CIZ1: variants seen among roughly 807,000 people sequenced by gnomAD.
CIZ1 encodes the protein CDKN1A interacting zinc finger protein 1.
CIZ1 carries 58 observed loss-of-function variants against 118.6 expected under a neutral mutation model. The ratio of observed to expected loss-of-function variants is 0.49; its 90% CI spans 0.40 to 0.61. CIZ1 has a LOEUF of 0.61. Ranked by LOEUF, CIZ1 falls within the 20% of genes least tolerant of loss-of-function variation. The pLI, the probability that CIZ1 is intolerant of heterozygous loss-of-function variation, is 0.00. For synonymous variants in CIZ1, 448 were observed against 443.4 expected (o/e 1.01, Z -0.13); for missense variants, 921 against 1,115.9 (o/e 0.83, Z 2.49).
upstream of CIZ1, chr9:128,191,690 C>T (rs1391226890): frequency 1.6e-6 from 2 of 1,287,028 alleles, no homozygotes; most frequent in East Asian, 3.2e-5. The surrounding 1 kb of genome is among the most constrained non-coding windows in gnomAD (Gnocchi z 5.5). Context: ...GGGGCGGCTG[C>T]GGGGCGCTAG....
chr9:128,172,200 T>C (rs1181500745), intron 11 of CIZ1, among the ~76,000 whole-genome samples: 1 of 127,296 alleles, frequency 7.9e-6, no homozygotes, highest in Non-Finnish European at 1.7e-5. Context: ...GCCAAATACA[T>C]GTAAAACCCT....
At chr9:128,177,538 T>TATAAA in intron 10 of CIZ1, 28 bp downstream of exon 10, 2 of 395,084 alleles carry the variant, frequency 5.1e-6, no homozygotes, top group Non-Finnish European at 9.4e-6. Context: ...GCCCCACCCC[T>TATAAA]CCCCACCCTT....
chr9:128,167,440 C>T, intron 14 of CIZ1: 3 of 446,478 alleles, frequency 6.7e-6, no homozygotes, highest in Non-Finnish European at 1.2e-5. Flanking sequence ...CAGGTGTGCC[C>T]AAGACATCAT....
chr9:128,191,577 A>T, upstream of CIZ1: 1 of 1,127,334 alleles, frequency 8.9e-7, no homozygotes. This position sits in a 1 kb window ranked among gnomAD's most constrained non-coding sequence, Gnocchi z 5.5. Flanking sequence ...CGTAAGGCCC[A>T]AATGCGGGCG....
Position 128,191,345 on chromosome 9 carries a change from C to T in CIZ1, c.-6+87G>A, listed in dbSNP as rs1266914215. On this transcript the variant is annotated intron_variant, in intron 1 of 16. Transcript: ENST00000372938. The surrounding 1 kb of genome is among the most constrained non-coding windows in gnomAD (Gnocchi z 5.5). ...GCCACCTCCTCGCGCCCCACTCCGCCCGCTCCCACCCCGCCAGCCGCCTCC... is the reference window on the plus strand; with the variant it reads ...GCCACCTCCTCGCGCCCCACTCCGCTCGCTCCCACCCCGCCAGCCGCCTCC... 1.5e-5 allele frequency: 7 copies of T among 456,612 alleles called. 1 individual carries two copies. Among genetic ancestry groups the T allele is most frequent in the Non-Finnish European group, 2.0e-5 (7 of 343,008 alleles). The allele number at this position is 456,612 out of a possible 1,614,324, so 28.3% of individuals were successfully genotyped here. A position where few individuals can be genotyped will look rare whatever the true frequency, so the allele number is the denominator to read the frequency against.
intron 5 of CIZ1, among the ~76,000 whole-genome samples, chr9:128,181,043 C>G (rs1831536398): frequency 6.6e-6 from 1 of 152,178 alleles, no homozygotes; most frequent in South Asian, 2.1e-4. Context: ...TTGGAGGACA[C>G]AAAGCCTTCT....
chr9:128,171,608 G>A (rs1474802250), intron 11 of CIZ1, among the ~76,000 whole-genome samples: 10 of 150,206 alleles, frequency 6.7e-5, no homozygotes, highest in East Asian at 2.0e-4. Flanking sequence ...GTGGTGGCAC[G>A]CGCCTGTAAT....
chr9:128,171,606 A>T (rs1195154714), intron 11 of CIZ1, among the ~76,000 whole-genome samples: 2 of 149,442 alleles, frequency 1.3e-5, no homozygotes, highest in Admixed American at 1.3e-4. Flanking sequence ...GTGTGGTGGC[A>T]CGCGCCTGTA....
chr9:128,200,248 T>A (rs1833479739), intron 1 of CIZ1: 1 of 152,040 alleles, frequency 6.6e-6, no homozygotes, highest in Non-Finnish European at 1.5e-5. Context: ...CAGAGAACGA[T>A]CCCTAAGCTA....
Position 128,179,001 on chromosome 9 carries a change from C to G in CIZ1, c.1206G>C (p.Gln402His), listed in dbSNP as rs1304318681. 6.2e-7 allele frequency: 1 copy of G among 1,612,048 alleles called. No homozygotes were observed. Among genetic ancestry groups the G allele is most frequent in the Non-Finnish European group, 8.5e-7 (1 of 1,179,008 alleles). Reference protein sequence around the residue: ...QLQQEAEPLKQVQPQVQPQAH... With the variant: ...QLQQEAEPLKHVQPQVQPQAH... ...CCTGGGGCTGCACCTGTGGCTGCACCTGCTTCAGCGGCTCTGCCTCCTGCT... is the reference window on the plus strand; with the variant it reads ...CCTGGGGCTGCACCTGTGGCTGCACGTGCTTCAGCGGCTCTGCCTCCTGCT... Residue 402 changes from glutamine to histidine, a missense_variant, in exon 8 of 17, where the codon CAG becomes CAC. Transcript: ENST00000372938.
At chr9:128,185,896 C>T in intron 4 of CIZ1, 120 bp from the exon 5 acceptor site, 1 of 747,164 alleles carries the variant, frequency 1.3e-6, no homozygotes. Context: ...AGGGACCTTC[C>T]CACCCAAGGG....
chr9:128,170,497 C>T (rs7864109), intron 11 of CIZ1, among the ~76,000 whole-genome samples: 37,062 of 152,032 alleles, frequency 0.24, 5,046 homozygotes, highest in Middle Eastern at 0.37. Flanking sequence ...AGCAAAAATA[C>T]AAAAAATTAG....
At chr9:128,175,598 G>A (rs918395728) in intron 11 of CIZ1, among the ~76,000 whole-genome samples, 9 of 152,152 alleles carry the variant, frequency 5.9e-5, no homozygotes, top group Admixed American at 2.0e-4. Context: ...TCAAGGGACC[G>A]TCCAGCCTAT....
chr9:128,169,033 C>T lies in CIZ1; in HGVS notation c.2295+19G>A. On this transcript the variant is annotated intron_variant, in intron 14 of 16. Transcript: ENST00000372938. ...GGAATCCAGCACCAAGCCCGCCTCCCACACCCTCCCCCCAGCACCTGCTTG... is the reference window on the plus strand; with the variant it reads ...GGAATCCAGCACCAAGCCCGCCTCCTACACCCTCCCCCCAGCACCTGCTTG... 6.2e-7 allele frequency: 1 copy of T among 1,613,848 alleles called. No homozygotes were observed. Among genetic ancestry groups the T allele is most frequent in the African/African-American group, 1.3e-5 (1 of 75,036 alleles).
At chr9:128,172,413 G>C (rs916095567) in intron 11 of CIZ1, among the ~76,000 whole-genome samples, 6 of 152,028 alleles carry the variant, frequency 3.9e-5, no homozygotes, top group Admixed American at 1.3e-4. Context: ...AGAATTGCTT[G>C]AACTGGGAGA....
chr9:128,177,648 G>T lies in CIZ1; in HGVS notation c.1736C>A (p.Thr579Asn). Residue 579 changes from threonine to asparagine, a missense_variant, in exon 10 of 17, where the codon ACC becomes AAC. Thr to Asn is a moderately conservative substitution (Grantham distance 65). Coordinates refer to ENST00000372938, the MANE Select transcript of CIZ1 (RefSeq NM_001131016.2). ...VPRPSDSVSSTPAATSTPSKQ... is the reference protein window; with the variant it reads ...VPRPSDSVSSNPAATSTPSKQ... Reference sequence around the variant, plus strand: ...AGAGGGAGTGCTGGTAGCCGCAGGGGTGGAGGAGACGGAGTCACTGGGGCG... The same window carrying T: ...AGAGGGAGTGCTGGTAGCCGCAGGGTTGGAGGAGACGGAGTCACTGGGGCG... 5 of 1,590,742 alleles carry T rather than the reference G, an allele frequency of 3.1e-6. No homozygotes were observed. Among genetic ancestry groups the T allele is most frequent in the Non-Finnish European group, 4.3e-6 (5 of 1,168,968 alleles).
chr9:128,178,237 C>G, intron 9 of CIZ1, 132 bp downstream of exon 9: 1 of 1,126,670 alleles, frequency 8.9e-7, no homozygotes, highest in Non-Finnish European at 1.3e-6. Context: ...CCATCCTAGG[C>G]AGAGGGCTGT....
At chr9:128,191,975 C>G, upstream of CIZ1, 2 of 1,329,088 alleles carry the variant, frequency 1.5e-6, no homozygotes, top group Non-Finnish European at 2.0e-6. The surrounding 1 kb of genome is among the most constrained non-coding windows in gnomAD (Gnocchi z 5.5). Context: ...AGAGGGCGGC[C>G]AAGGTCTTAC....
chr9:128,167,776 G>A (rs1214505392), intron 14 of CIZ1: 1 of 154,248 alleles, frequency 6.5e-6, no homozygotes, highest in African/African-American at 2.4e-5. Context: ...AGGCCTAGCA[G>A]TGCCCTCCAC....
Sources: gnomAD v4.1 joint callset for allele counts (sites outside exome capture counted in the v4.1 genomes callset) on GRCh38, gnomAD v4.1.1 for gene constraint, Gnocchi (gnomAD v3.1) non-coding constraint, MANE v1.5 for transcripts, NCBI Gene and HGNC (gene_info 2026-07-23, HGNC 2026-07-21) for gene names.